The following SMCHD1 variants were observed in gnomAD, a reference collection of about 807,000 sequenced individuals.
SMCHD1 encodes the protein structural maintenance of chromosomes flexible hinge domain containing 1.
In SMCHD1, 78 loss-of-function variants were observed where a neutral mutation model predicts 254.7. That is an observed-to-expected ratio of 0.31 (90% CI 0.26 to 0.37). SMCHD1 has a LOEUF of 0.37. SMCHD1 is among the 10% of genes least tolerant of loss of function. The pLI is 1.00. For missense variants in SMCHD1, 1,840 were observed against 2,408.1 expected, an observed-to-expected ratio of 0.76 and a Z score of 4.94; for synonymous variants, 766 against 794.9, an observed-to-expected ratio of 0.96 and a Z score of 0.61.
chr18:2,765,981 G>A (rs1200117086), intron 37 of SMCHD1, among the ~76,000 whole-genome samples: 3 of 131,658 alleles, frequency 2.3e-5, no homozygotes, highest in Non-Finnish European at 5.2e-5. Context: ...CTGTTTTCCT[G>A]TTTAGCTATG....
chr18:2,780,470 G>A (rs964485551), intron 44 of SMCHD1, among the ~76,000 whole-genome samples: 7 of 151,938 alleles, frequency 4.6e-5, no homozygotes, highest in Non-Finnish European at 1.0e-4. Context: ...TATATATCCC[G>A]AATTATGAAA....
intron 41 of SMCHD1, among the ~76,000 whole-genome samples, chr18:2,773,949 A>G (rs2076025081): frequency 6.6e-6 from 1 of 152,116 alleles, no homozygotes; most frequent in Non-Finnish European, 1.5e-5. Context: ...CCTAGAATAA[A>G]TAATCGTAGA....
intron 21 of SMCHD1, among the ~76,000 whole-genome samples, 171 bp downstream of exon 21, chr18:2,725,166 G>GT (rs1209395662): frequency 6.6e-6 from 1 of 152,042 alleles, no homozygotes; most frequent in East Asian, 1.9e-4. Flanking sequence ...AGTTACATCT[G>GT]TAAGAAAAGT....
intron 7 of SMCHD1, among the ~76,000 whole-genome samples, chr18:2,690,684 A>G (rs900334971): frequency 3.6e-5 from 5 of 140,292 alleles, no homozygotes; most frequent in African/African-American, 1.1e-4. Flanking sequence ...GAGTTTCACC[A>G]TGTTGGCCAG....
chr18:2,735,146 G>A lies in SMCHD1; in HGVS notation c.3276+2654G>A, dbSNP rs186544458. On this transcript the variant is annotated intron_variant, in intron 25 of 47. Transcript: ENST00000320876. ...AGGGTTGAACCAACCCTGAATATACGCAAATAAAGTGTGATTCACCACATA... is the reference window on the plus strand; with the variant it reads ...AGGGTTGAACCAACCCTGAATATACACAAATAAAGTGTGATTCACCACATA... 5.2e-3 allele frequency among the ~76,000 whole-genome samples: 792 copies of A among 151,848 alleles called. 6 individuals carry two copies. Among genetic ancestry groups the A allele is most frequent in the Non-Finnish European group, 6.9e-3 (466 of 67,962 alleles).
At chr18:2,687,854 C>G (rs377528261) in intron 5 of SMCHD1, among the ~76,000 whole-genome samples, 1 of 152,150 alleles carries the variant, frequency 6.6e-6, no homozygotes, top group Non-Finnish European at 1.5e-5. Flanking sequence ...TCCAGCCTCA[C>G]CTTCATTCTG....
rs544000882 is a variant in SMCHD1, at chr18:2,709,407, C to T, written c.2260+1487C>T. Among the ~76,000 whole-genome samples the T allele has an allele frequency of 1.3e-4, 20 of 152,160 alleles. No homozygotes were observed. The South Asian group carries it at 3.9e-3, about 30-fold the overall frequency. On this transcript the variant is annotated intron_variant, in intron 17 of 47. Transcript: ENST00000320876. The stretch of plus-strand genomic sequence containing the variant: ...TCTCCGCTTTGGTTCCTTTTAGATA[C>T]ATTCCCAAAAGTGGACTTGCTGGGT...
chr18:2,756,920 C>T (rs933660181), intron 34 of SMCHD1, among the ~76,000 whole-genome samples: 13 of 152,060 alleles, frequency 8.5e-5, no homozygotes, highest in African/African-American at 3.1e-4. Context: ...TCTCTTGTGG[C>T]TTGATTAATC....
At chr18:2,701,455 C>T (rs552572223) in intron 12 of SMCHD1, among the ~76,000 whole-genome samples, 2 of 152,198 alleles carry the variant, frequency 1.3e-5, no homozygotes, top group Admixed American at 1.3e-4. Context: ...GCCATCGCAC[C>T]CAGCCAAGAT....
intron 17 of SMCHD1, among the ~76,000 whole-genome samples, chr18:2,715,267 CCATACTTCGAG>C (rs1416393547): frequency 6.6e-6 from 1 of 152,036 alleles, no homozygotes; most frequent in Non-Finnish European, 1.5e-5. Context: ...TTACATTGAC[CCATACTTCGAG>C]AAGGCTTTGA....
At chr18:2,748,642 G>A (rs1199637148) in intron 30 of SMCHD1, among the ~76,000 whole-genome samples, 1 of 151,958 alleles carries the variant, frequency 6.6e-6, no homozygotes, top group Admixed American at 6.6e-5. Flanking sequence ...TGATCCACCC[G>A]CCTTGGTCTC....
chr18:2,678,008 C>T (rs373481540), intron 5 of SMCHD1, among the ~76,000 whole-genome samples: 12 of 152,192 alleles, frequency 7.9e-5, no homozygotes, highest in African/African-American at 2.9e-4. Flanking sequence ...TTAATACCAA[C>T]GACATACTCT....
At chr18:2,682,425 A>G (rs1055600018) in intron 5 of SMCHD1, among the ~76,000 whole-genome samples, 1 of 151,380 alleles carries the variant, frequency 6.6e-6, no homozygotes, top group Non-Finnish European at 1.5e-5. Flanking sequence ...TCCCAGGTTC[A>G]AGCAGTCCTG....
At chr18:2,686,012 A>T (rs2074042975) in intron 5 of SMCHD1, among the ~76,000 whole-genome samples, 1 of 152,158 alleles carries the variant, frequency 6.6e-6, no homozygotes, top group South Asian at 2.1e-4. Flanking sequence ...TCCTTTGTGT[A>T]AATCTGTCCA....
In SMCHD1 at chr18:2,793,644, G is replaced by A. The variant is rs1378529492; in HGVS notation, c.5720-2305G>A. On this transcript the variant is annotated intron_variant, in intron 45 of 47. Transcript: ENST00000320876. ...CGCGCCACTGCACTCCAGCCTGGGC[G>A]AGACTCCGTCTCAAAAAAAAAAAAA... Among the ~76,000 whole-genome samples, 5 of 110,124 alleles carry A rather than the reference G, an allele frequency of 4.5e-5. No homozygotes were observed. The South Asian group carries it at 1.2e-3, about 26-fold the overall frequency. The allele number at this position is 110,124 out of a possible 152,430, so 72.2% of individuals were successfully genotyped here.
At chr18:2,708,915 T>TATATATATATAC (rs1568199419) in intron 17 of SMCHD1, among the ~76,000 whole-genome samples, 4 of 90,452 alleles carry the variant, frequency 4.4e-5, no homozygotes, top group East Asian at 3.1e-4. Context: ...TATAACATAT[T>TATATATATATAC]AACATGAAAT....
At chr18:2,679,749 TATAGA>T (rs928734410) in intron 5 of SMCHD1, among the ~76,000 whole-genome samples, 3 of 152,174 alleles carry the variant, frequency 2.0e-5, no homozygotes, top group Admixed American at 1.3e-4. Flanking sequence ...TTCTCGGATA[TATAGA>T]ATAAAGTTTT....
At chr18:2,674,509 T>G (rs142920442) in intron 5 of SMCHD1, among the ~76,000 whole-genome samples, 1 of 152,310 alleles carries the variant, frequency 6.6e-6, no homozygotes, top group African/African-American at 2.4e-5. Flanking sequence ...TTGCATGTGG[T>G]TCTGTGGAGC....
chr18:2,750,705 T>G (rs527868149), intron 32 of SMCHD1, among the ~76,000 whole-genome samples, 198 bp downstream of exon 32: 8 of 152,236 alleles, frequency 5.3e-5, no homozygotes, highest in Middle Eastern at 3.4e-3. Flanking sequence ...TCTGGAAGAC[T>G]TCTGTTTTCT....
Sources: allele counts gnomAD v4.1 joint callset (sites outside exome capture counted in the v4.1 genomes callset), GRCh38; gene constraint gnomAD v4.1.1; transcripts MANE v1.5; gene names NCBI Gene and HGNC (gene_info 2026-07-23, HGNC 2026-07-21).